The following TNXB variants were observed in gnomAD, a reference collection of about 807,000 sequenced individuals.
The protein encoded by TNXB is tenascin-X.
In TNXB, 183 loss-of-function variants were observed where a neutral mutation model predicts 340.5. The ratio of observed to expected loss-of-function variants is 0.54; its 90% CI spans 0.48 to 0.61. TNXB has a LOEUF of 0.61. TNXB is among the 20% of genes least tolerant of loss of function. The probability of loss-of-function intolerance (pLI) is 0.00; values close to 1 mark genes in which losing one functional copy is unlikely to be tolerated. For missense variants in TNXB, 4,613 were observed against 5,446.4 expected, an observed-to-expected ratio of 0.85 and a Z score of 4.82; for synonymous variants, 2,121 against 2,314.5, an observed-to-expected ratio of 0.92 and a Z score of 2.40.
intron 1 of TNXB, among the ~76,000 whole-genome samples, chr6:32,101,077 C>CAAAAAAAAAAA (rs35800696): frequency 2.1e-5 from 1 of 46,958 alleles, no homozygotes; most frequent in African/African-American, 9.2e-5. Context: ...AACTCCATCT[C>CAAAAAAAAAAA]AAAAAAAAAA....
chr6:32,062,189 C>T lies in TNXB; in HGVS notation c.7136G>A (p.Arg2379His), dbSNP rs151142594. The change falls in exon 20 of 44, where the codon CGT becomes CAT. Residue 2379 changes from arginine to histidine, a missense_variant. By Grantham distance (29) the Arg-to-His change is conservative. Transcript: ENST00000644971. The surrounding 1 kb of genome is among the most constrained non-coding windows in gnomAD (Gnocchi z 4.3). ...CCCGATGGCAGACACGGGGCCCACA[C>T]GCTGGCCACCGTGGAAGCCGTACAG... ...MNLYGFHGGQ[R>H]VGPVSAIGVT... 1.3e-5 allele frequency: 21 copies of T among 1,612,116 alleles called. No individual in the cohort carries two copies. Among genetic ancestry groups the T allele is most frequent in the African/African-American group, 2.7e-5 (2 of 75,046 alleles).
Position 32,049,174 on chromosome 6 carries a change from T to C in TNXB, c.9757+96A>G. 2 of 1,440,348 alleles carry C rather than the reference T, an allele frequency of 1.4e-6. No homozygotes were observed. The highest frequency in any genetic ancestry group is 1.8e-6 in the Non-Finnish European group (2 of 1,088,834). The allele number at this position is 1,440,348 out of a possible 1,614,324, so 89.2% of individuals were successfully genotyped here. A position where few individuals can be genotyped will look rare whatever the true frequency, so the allele number is the denominator to read the frequency against. On this transcript the variant is annotated intron_variant, in intron 28 of 43. Transcript: ENST00000644971. This position sits in a 1 kb window ranked among gnomAD's most constrained non-coding sequence, Gnocchi z 4.5. ...CAACATGGGAGAAAAGACAGAAACC[T>C]AGAGGCCCAGTCAAAAGAGGTGCCA...
At position 32,047,841 on chromosome 6, in the gene TNXB, C is replaced by T. The variant is rs371271579; in HGVS notation, c.10217G>A (p.Arg3406Gln). The T allele has an allele frequency of 5.6e-6, 9 of 1,611,880 alleles. No individual in the cohort carries two copies. The highest frequency in any genetic ancestry group is 1.7e-5 in the Admixed American group (1 of 59,966). The change falls in exon 30 of 44, where the codon CGG becomes CAG. Residue 3406 changes from arginine to glutamine, a missense_variant. Physicochemically the swap from Arg to Gln is conservative, Grantham distance 43 (BLOSUM62 1). Coordinates refer to ENST00000644971, the MANE Select transcript of TNXB (RefSeq NM_001365276.2). The surrounding 1 kb of genome is among the most constrained non-coding windows in gnomAD (Gnocchi z 6.2). The part of the protein sequence containing the change: ...LQVVPVAANQ[R>Q]EVTVQGLEPS... ...CTCCAGGCCCTGGACTGTGACCTCCCGCTGGTTGGCTGCCACCGGCACCAC... is the reference window on the plus strand; with the variant it reads ...CTCCAGGCCCTGGACTGTGACCTCCTGCTGGTTGGCTGCCACCGGCACCAC...
chr6:32,068,668 G>A lies in TNXB; in HGVS notation c.5942C>T (p.Thr1981Ile), dbSNP rs1230512934. The change falls in exon 17 of 44, where the codon ACC becomes ATC. Residue 1981 changes from threonine (T) to isoleucine (I), a missense_variant. By Grantham distance (89) the Thr-to-Ile change is moderately conservative. Transcript: ENST00000644971. The surrounding 1 kb of genome is among the most constrained non-coding windows in gnomAD (Gnocchi z 5.3). Reference protein sequence around the residue: ...EEKPSEPPTATPEPPIKPRLG... With the variant: ...EEKPSEPPTAIPEPPIKPRLG... ...GCGAGGCTTGATGGGGGGCTCGGGG[G>A]TTGCGGTGGGAGGTTCTGAAGGCTT... 9 of 1,613,834 alleles carry A rather than the reference G, an allele frequency of 5.6e-6. No homozygotes were observed. In the East Asian group the frequency reaches 6.7e-5, roughly 12 times the overall value.
rs1382695788 is a variant in TNXB, at chr6:32,086,083, C to T, written c.2815G>A (p.Glu939Lys). ...SPLGLLGTTD[E>K]PPPSGPSTTQ... The stretch of plus-strand genomic sequence containing the variant: ...GTCGAGGGGCCTGAGGGAGGAGGCT[C>T]ATCGGTAGTCCCCAAGAGGCCCAAG... Residue 939 changes from glutamate to lysine, a missense_variant, in exon 7 of 44, where the codon GAG (glutamate) becomes AAG (lysine). Transcript: ENST00000644971. The T allele has an allele frequency of 4.5e-6, 7 of 1,566,730 alleles. No individual in the cohort carries two copies. The highest frequency in any genetic ancestry group is 6.1e-6 in the Non-Finnish European group (7 of 1,156,466).
rs1205487559 is a variant in TNXB at position 32,047,987 on chromosome 6, G to A, written c.10071C>T (p.Arg3357=). 1 of 1,609,552 alleles carries A rather than the reference G, an allele frequency of 6.2e-7. No individual in the cohort carries two copies. The highest frequency in any genetic ancestry group is 1.3e-5 in the African/African-American group (1 of 74,890). The change falls in exon 30 of 44, where the codon CGC becomes CGT. Residue 3357 remains arginine (R), a synonymous_variant. Coordinates refer to ENST00000644971, the MANE Select transcript of TNXB (RefSeq NM_001365276.2). The surrounding 1 kb of genome is among the most constrained non-coding windows in gnomAD (Gnocchi z 6.2). ...RTAPDTKPSP[R]LGELTVTDAT... ...CATCTGTCACAGTCAGCTCCCCCAG[G>A]CGGGGAGACGGTTTGGTGTCTGGGG... is the stretch of plus-strand genomic sequence containing the variant.
chr6:32,065,440 T>C (rs139435345), intron 18 of TNXB, among the ~76,000 whole-genome samples: 82 of 152,230 alleles, frequency 5.4e-4, no homozygotes, highest in Middle Eastern at 3.4e-3. Context: ...ATTACTCTAT[T>C]TAAAATTTCA....
At chr6:32,053,748 G>C (rs746050284) in intron 24 of TNXB, 37 bp from the exon 25 acceptor site, 502 of 1,596,090 alleles carry the variant, frequency 3.1e-4, no homozygotes, top group Non-Finnish European at 4.1e-4. Flanking sequence ...AGGTCCCTGG[G>C]TTCTCAGTTC....
Position 32,049,218 on chromosome 6 carries a change from C to G in TNXB, c.9757+52G>C. ...GGTGCCAAGATCCAAAGGAGAAACACAAGGGGGCTGCAGAGGTAAACCTGG... is the reference window on the plus strand; with the variant it reads ...GGTGCCAAGATCCAAAGGAGAAACAGAAGGGGGCTGCAGAGGTAAACCTGG... On this transcript the variant is annotated intron_variant, in intron 28 of 43. Transcript: ENST00000644971. The surrounding 1 kb of genome is among the most constrained non-coding windows in gnomAD (Gnocchi z 4.5). 3 of 1,563,114 alleles carry G rather than the reference C, an allele frequency of 1.9e-6. No individual in the cohort carries two copies. Among genetic ancestry groups the G allele is most frequent in the Non-Finnish European group, 2.6e-6 (3 of 1,153,256 alleles).
In TNXB at chr6:32,051,127, C is replaced by G. The variant is rs1239095655; in HGVS notation, c.9116-806G>C. Reference sequence around the variant, plus strand: ...CTTTGCACCACCTGTGCTGATCTGACACGCTTCACCTTCTCTCTAAAGCTG... The same window carrying G: ...CTTTGCACCACCTGTGCTGATCTGAGACGCTTCACCTTCTCTCTAAAGCTG... On this transcript the variant is annotated intron_variant, in intron 26 of 43. Transcript: ENST00000644971. The surrounding 1 kb of genome is among the most constrained non-coding windows in gnomAD (Gnocchi z 4.7). Among the ~76,000 whole-genome samples the G allele has an allele frequency of 6.6e-6, 1 of 152,252 alleles. No individual in the cohort carries two copies. The highest frequency in any genetic ancestry group is 2.1e-4 in the South Asian group (1 of 4,834).
Position 32,050,049 on chromosome 6 carries a change from C to T in TNXB, c.9388G>A (p.Gly3130Ser), listed in dbSNP as rs1207399055. ...PDHKYKMNLYGFHGGQRVGPV... is the reference protein window; with the variant it reads ...PDHKYKMNLYSFHGGQRVGPV... ...CCTACGCGCTGGCCACCGTGGAAGCCGTACAGGTTCATCTTGTATTTATGG... is the reference window on the plus strand; with the variant it reads ...CCTACGCGCTGGCCACCGTGGAAGCTGTACAGGTTCATCTTGTATTTATGG... The change falls in exon 27 of 44, where the codon GGC becomes AGC. Residue 3130 changes from glycine to serine, a missense_variant. By Grantham distance (56) the Gly-to-Ser change is moderately conservative. This residue lies in a region of TNXB where 4,327 missense variants were observed against 4,859.4 expected (regional missense o/e 0.89). Transcript: ENST00000644971. 2 of 1,613,820 alleles carry T rather than the reference C, an allele frequency of 1.2e-6. No homozygotes were observed. Among genetic ancestry groups the T allele is most frequent in the Admixed American group, 1.7e-5 (1 of 60,030 alleles).
At chr6:32,055,150 A>T (rs890162851) in intron 24 of TNXB, among the ~76,000 whole-genome samples, 6 of 152,214 alleles carry the variant, frequency 3.9e-5, no homozygotes, top group Admixed American at 3.3e-4. Flanking sequence ...TCTTCCTGAC[A>T]GCGTCTAATA....
chr6:32,077,339 G>C (rs749131636), intron 11 of TNXB, among the ~76,000 whole-genome samples: 3 of 152,258 alleles, frequency 2.0e-5, no homozygotes, highest in Non-Finnish European at 4.4e-5. Context: ...AATAAATTGA[G>C]GGTGGAAGGT....
At position 32,083,615 on chromosome 6, in the gene TNXB, C is replaced by CTGA. The variant is rs1303152315; in HGVS notation, c.3445+797_3445+798insTCA. Among the ~76,000 whole-genome samples, 7 of 152,150 alleles carry CTGA rather than the reference C, an allele frequency of 4.6e-5. No individual in the cohort carries two copies. The highest frequency in any genetic ancestry group is 1.7e-4 in the African/African-American group (7 of 41,404). ...GCTTTCCTTCGCCTCCCCCATCCAG[C>CTGA]CCCACTGCCACCATCCCAGCTGACC... On this transcript the variant is annotated intron_variant, in intron 8 of 43. Coordinates refer to ENST00000644971, the MANE Select transcript of TNXB (RefSeq NM_001365276.2). This position sits in a 1 kb window ranked among gnomAD's most constrained non-coding sequence, Gnocchi z 4.6.
chr6:32,056,484 G>C, intron 23 of TNXB, 102 bp downstream of exon 23: 1 of 1,520,410 alleles, frequency 6.6e-7, no homozygotes, highest in Non-Finnish European at 8.9e-7. Flanking sequence ...CAGGTCTGTG[G>C]TGCTGACCGG....
intron 22 of TNXB, among the ~76,000 whole-genome samples, chr6:32,057,298 G>A (rs1359591764): frequency 1.3e-5 from 2 of 152,172 alleles, no homozygotes; most frequent in Admixed American, 6.5e-5. Context: ...AGAGCCTGGG[G>A]TGTGTTCCTG....
intron 23 of TNXB, 23 bp downstream of exon 23, chr6:32,056,563 T>G (rs772172011): frequency 9.9e-6 from 16 of 1,611,148 alleles, no homozygotes; most frequent in African/African-American, 1.3e-5. Flanking sequence ...GCTCCCACCC[T>G]GGGGCTGCCA....
In TNXB at chr6:32,082,362, G is replaced by T. The variant is rs12529297; in HGVS notation, c.3446-36C>A. 6.5e-7 allele frequency: 1 copy of T among 1,546,784 alleles called. No individual in the cohort carries two copies. Among genetic ancestry groups the T allele is most frequent in the South Asian group, 1.2e-5 (1 of 81,262 alleles). On this transcript the variant is annotated intron_variant, in intron 8 of 43. Coordinates refer to ENST00000644971, the MANE Select transcript of TNXB (RefSeq NM_001365276.2). The surrounding 1 kb of genome is among the most constrained non-coding windows in gnomAD (Gnocchi z 5.0). ...TGGGTAGAGAGAAGGGAGAGACTTA[G>T]GTCCAAGGAGAATGGGGAAGCCAAA...
At chr6:32,086,260 C>G in intron 6 of TNXB, 142 bp from the exon 7 acceptor site, 1 of 1,028,766 alleles carries the variant, frequency 9.7e-7, no homozygotes, top group Non-Finnish European at 1.3e-6. Context: ...GCCACTCCCT[C>G]CTCCCAAAGG....
Sources: allele counts gnomAD v4.1 joint callset (sites outside exome capture counted in the v4.1 genomes callset), GRCh38; gene constraint gnomAD v4.1.1; regional missense constraint gnomAD v4.1.1; non-coding constraint Gnocchi (gnomAD v3.1); transcripts MANE v1.5; gene names NCBI Gene and HGNC (gene_info 2026-07-23, HGNC 2026-07-21).